MCTP2: variants seen among roughly 807,000 people sequenced by gnomAD.
MCTP2 encodes the protein multiple C2 and transmembrane domain-containing protein 2.
Under a neutral mutation model 111.6 loss-of-function variants are expected in MCTP2, and 132 were observed. The observed-to-expected ratio is 1.18, with a 90% CI of 1.03 to 1.37. The LOEUF (loss-of-function observed/expected upper bound fraction) is 1.37, where lower values mean the gene tolerates loss of function less well. MCTP2 is among the 40% of genes most tolerant of loss of function. The pLI, the probability that MCTP2 is intolerant of heterozygous loss-of-function variation, is 0.00. For missense variants in MCTP2, 1,183 were observed against 1,067.9 expected (o/e 1.11, Z -1.50); for synonymous variants, 395 against 387.7 (o/e 1.02, Z -0.22).
rs2083714570 is a variant in MCTP2, at chr15:94,440,411, A to G, written c.2208+113A>G. 1.4e-5 allele frequency: 19 copies of G among 1,313,194 alleles called. No homozygotes were observed. In the South Asian group the frequency reaches 2.3e-4, roughly 16 times the overall value. The allele number at this position is 1,313,194 out of a possible 1,614,324, so 81.3% of individuals were successfully genotyped here. A position where few individuals can be genotyped will look rare whatever the true frequency, so the allele number is the denominator to read the frequency against. On this transcript the variant is annotated intron_variant, in intron 18 of 22. Transcript: ENST00000357742. ...CCATTTCGTTTGAGGTGTAAGGAGC[A>G]GCCCTGCAAAGGCACTCATTTTGCA...
At chr15:94,235,235 CAA>C (rs1273253281) in intron 1 of MCTP2, among the ~76,000 whole-genome samples, 2 of 142,190 alleles carry the variant, frequency 1.4e-5, no homozygotes, top group South Asian at 2.3e-4. Context: ...GCCTGGGAGA[CAA>C]GAGCGAAACT....
intron 16 of MCTP2, 46 bp from the exon 17 acceptor site, chr15:94,401,854 T>G (rs752056659): frequency 2.0e-6 from 3 of 1,482,608 alleles, no homozygotes. Flanking sequence ...ATGGAATATT[T>G]GTAGTATTTA....
At chr15:94,314,163 A>G in intron 2 of MCTP2, 119 bp from the exon 3 acceptor site, 1 of 664,072 alleles carries the variant, frequency 1.5e-6, no homozygotes, top group African/African-American at 1.8e-5. Flanking sequence ...GGCGGCCCTC[A>G]CTGAAGCTGC....
intron 7 of MCTP2, chr15:94,342,821 T>C (rs933996262): frequency 6.6e-6 from 1 of 150,746 alleles, no homozygotes; most frequent in Non-Finnish European, 1.5e-5. Context: ...TTTATTCAAG[T>C]TGGGTTTGTA....
At chr15:94,433,404 A>G (rs2083295322) in intron 17 of MCTP2, among the ~76,000 whole-genome samples, 1 of 152,164 alleles carries the variant, frequency 6.6e-6, no homozygotes. Flanking sequence ...TGCATGGTAG[A>G]GTAAGAAGTT....
chr15:94,342,675 CAT>C (rs1022487666), intron 7 of MCTP2: 11 of 151,308 alleles, frequency 7.3e-5, no homozygotes, highest in Non-Finnish European at 1.2e-4. Context: ...CATATATACA[CAT>C]ATATTTATCT....
Position 94,303,064 on chromosome 15 carries a change from A to ATATATATATATATAGTT in MCTP2, c.465+4344_465+4345insTATAGTTTATATATATA, listed in dbSNP as rs773307490. Among the ~76,000 whole-genome samples the ATATATATATATATAGTT allele has an allele frequency of 3.3e-4, 42 of 125,914 alleles. 1 individual carries two copies. Among genetic ancestry groups the ATATATATATATATAGTT allele is most frequent in the South Asian group, 2.6e-3 (10 of 3,890 alleles). 82.6% of individuals were successfully genotyped at this position (125,914 alleles called of 152,430 possible). A position where few individuals can be genotyped will look rare whatever the true frequency, so the allele number is the denominator to read the frequency against. ...TCTAGAGGGGCAGAACTAATGGAAT[A>ATATATATATATATAGTT]TATATATATAGTTTATATATATATA... On this transcript the variant is annotated intron_variant, in intron 2 of 22. Transcript: ENST00000357742.
intron 4 of MCTP2, among the ~76,000 whole-genome samples, chr15:94,338,488 A>ATTTTTTTTTTTTTTT (rs201502636): frequency 7.5e-6 from 1 of 134,196 alleles, no homozygotes; most frequent in African/African-American, 2.8e-5. Flanking sequence ...GTTTGCAGGC[A>ATTTTTTTTTTTTTTT]TTTTTTTTTT....
intron 17 of MCTP2, among the ~76,000 whole-genome samples, chr15:94,407,567 CAAATT>C (rs1444537204): frequency 5.3e-5 from 8 of 152,016 alleles, no homozygotes; most frequent in African/African-American, 1.9e-4. Flanking sequence ...ATATGATACA[CAAATT>C]AAAGCATCAA....
intron 12 of MCTP2, among the ~76,000 whole-genome samples, chr15:94,377,768 T>C (rs2079856543): frequency 6.6e-6 from 1 of 152,098 alleles, no homozygotes. Flanking sequence ...GTGTTAATTC[T>C]TATGGAAGGG....
At chr15:94,254,123 CTGTT>C (rs2072614246) in intron 1 of MCTP2, among the ~76,000 whole-genome samples, 1 of 152,184 alleles carries the variant, frequency 6.6e-6, no homozygotes, top group African/African-American at 2.4e-5. Flanking sequence ...TTGATTGCTT[CTGTT>C]TATTATTGCT....
intron 20 of MCTP2, among the ~76,000 whole-genome samples, chr15:94,463,617 G>A (rs1228966766): frequency 1.3e-5 from 2 of 152,084 alleles, no homozygotes; most frequent in Non-Finnish European, 2.9e-5. Flanking sequence ...CATACAGTGT[G>A]GTTTAGAATT....
chr15:94,236,368 C>CTTTTT (rs1167268187), intron 1 of MCTP2, among the ~76,000 whole-genome samples: 25 of 67,046 alleles, frequency 3.7e-4, no homozygotes, highest in African/African-American at 6.5e-4. Flanking sequence ...TCAATCCTTT[C>CTTTTT]TTTTTTTTCT....
intron 17 of MCTP2, among the ~76,000 whole-genome samples, chr15:94,407,205 T>C (rs2081945528): frequency 6.6e-6 from 1 of 152,188 alleles, no homozygotes; most frequent in African/African-American, 2.4e-5. Context: ...TATAAATGCA[T>C]TTTTCATATG....
chr15:94,425,529 ATG>A (rs1453269735), intron 17 of MCTP2, among the ~76,000 whole-genome samples: 1 of 152,156 alleles, frequency 6.6e-6, no homozygotes, highest in Non-Finnish European at 1.5e-5. Flanking sequence ...AAACAGCAGA[ATG>A]ATACCAAGTT....
chr15:94,287,428 A>G (rs149064551), intron 1 of MCTP2, among the ~76,000 whole-genome samples: 25 of 152,254 alleles, frequency 1.6e-4, no homozygotes, highest in African/African-American at 5.5e-4. Context: ...CCAGGGGTGT[A>G]TTAGCTTTAT....
intron 21 of MCTP2, among the ~76,000 whole-genome samples, chr15:94,475,465 A>G (rs1324208107): frequency 1.3e-5 from 2 of 152,200 alleles, no homozygotes; most frequent in South Asian, 4.1e-4. Flanking sequence ...GCAAAATAAT[A>G]CTTAATGAAC....
intron 20 of MCTP2, among the ~76,000 whole-genome samples, chr15:94,458,639 A>T (rs1163562056): frequency 6.6e-6 from 1 of 152,220 alleles, no homozygotes; most frequent in Non-Finnish European, 1.5e-5. Context: ...TGCCTTGAGT[A>T]ACTTTTCTCT....
intron 19 of MCTP2, among the ~76,000 whole-genome samples, chr15:94,454,601 GAAA>G (rs112572523): frequency 3.4e-5 from 5 of 146,996 alleles, no homozygotes; most frequent in African/African-American, 7.4e-5. Context: ...CTCTTTTGTG[GAAA>G]AAAAAAAAAC....
Sources: allele counts gnomAD v4.1 joint callset (sites outside exome capture counted in the v4.1 genomes callset), GRCh38; gene constraint gnomAD v4.1.1; transcripts MANE v1.5; gene names NCBI Gene and HGNC (gene_info 2026-07-23, HGNC 2026-07-21).